Variants in SHROOM3 observed in about 807,000 individuals in gnomAD.
SHROOM3 encodes the protein shroom family member 3.
SHROOM3 carries 47 observed loss-of-function variants against 138.6 expected under a neutral mutation model. That is an observed-to-expected ratio of 0.34 (90% CI 0.27 to 0.43). SHROOM3 has a LOEUF of 0.43. SHROOM3 is among the 20% of genes least tolerant of loss of function. The pLI is 1.00. For missense variants in SHROOM3, 2,491 were observed against 2,596.5 expected (o/e 0.96, Z 0.88); for synonymous variants, 1,062 against 1,063.3 (o/e 1.00, Z 0.02).
intron 2 of SHROOM3, among the ~76,000 whole-genome samples, chr4:76,648,350 C>A (rs2076398017): frequency 6.6e-6 from 1 of 151,998 alleles, no homozygotes; most frequent in African/African-American, 2.4e-5. Flanking sequence ...GAAAGAAAAA[C>A]AAAAAACCAA....
chr4:76,741,001 G>T lies in SHROOM3; in HGVS notation c.2828G>T (p.Arg943Leu). 3 of 1,488,208 alleles carry T rather than the reference G, an allele frequency of 2.0e-6. No individual in the cohort carries two copies. The highest frequency in any genetic ancestry group is 1.8e-6 in the Non-Finnish European group (2 of 1,122,996). 92.2% of individuals were successfully genotyped at this position (1,488,208 alleles called of 1,614,324 possible). Residue 943 changes from arginine to leucine, a missense_variant, in exon 5 of 11, where the codon CGT (arginine) becomes CTT (leucine). By Grantham distance (102) the Arg-to-Leu change is moderately radical. Coordinates refer to ENST00000296043, the MANE Select transcript of SHROOM3 (RefSeq NM_020859.4). The surrounding 1 kb of genome is among the most constrained non-coding windows in gnomAD (Gnocchi z 6.2). ...GTCTTGGGGGCCACCTCCTTTCGAC[G>T]TCGAGACCTGGAGCTGGGGGCGCCC... Reference protein sequence around the residue: ...SRVLGATSFRRRDLELGAPVA... With the variant: ...SRVLGATSFRLRDLELGAPVA...
chr4:76,653,241 T>A (rs946729746), intron 2 of SHROOM3, among the ~76,000 whole-genome samples: 10 of 152,138 alleles, frequency 6.6e-5, no homozygotes, highest in Non-Finnish European at 1.5e-4. Flanking sequence ...GTGCCAGACC[T>A]TGTTCTAGAT....
At chr4:76,553,256 G>T (rs1302835021) in intron 1 of SHROOM3, among the ~76,000 whole-genome samples, 1 of 152,002 alleles carries the variant, frequency 6.6e-6, no homozygotes, top group Non-Finnish European at 1.5e-5. Context: ...CCACCTCCTG[G>T]TTTCTTTTCT....
intron 1 of SHROOM3, among the ~76,000 whole-genome samples, chr4:76,469,813 G>T (rs1455776641): frequency 2.0e-5 from 3 of 152,138 alleles, no homozygotes; most frequent in African/African-American, 4.8e-5. Flanking sequence ...CAGGAAAAAA[G>T]TCTGGTAAGT....
At chr4:76,724,894 T>C (rs1028196572) in intron 3 of SHROOM3, among the ~76,000 whole-genome samples, 3 of 152,222 alleles carry the variant, frequency 2.0e-5, no homozygotes, top group Admixed American at 6.5e-5. Flanking sequence ...TTGCTAGATG[T>C]TGTCAAACTG....
At chr4:76,495,799 C>A (rs1242525762) in intron 1 of SHROOM3, among the ~76,000 whole-genome samples, 2 of 152,160 alleles carry the variant, frequency 1.3e-5, no homozygotes, top group African/African-American at 2.4e-5. Context: ...TGAGAGACTA[C>A]CATATGTGTA....
At chr4:76,709,858 T>C in intron 2 of SHROOM3, 1 of 352,914 alleles carries the variant, frequency 2.8e-6, no homozygotes, top group Non-Finnish European at 5.4e-6. Flanking sequence ...TTATAACAGT[T>C]AATATAACTT....
At chr4:76,572,941 G>A (rs925167967) in intron 2 of SHROOM3, among the ~76,000 whole-genome samples, 3 of 151,976 alleles carry the variant, frequency 2.0e-5, no homozygotes, top group African/African-American at 7.2e-5. Context: ...GATTAGCCAG[G>A]TGTGGTAGCA....
At chr4:76,626,533 T>C (rs1047103844) in intron 2 of SHROOM3, among the ~76,000 whole-genome samples, 5 of 152,256 alleles carry the variant, frequency 3.3e-5, no homozygotes, top group African/African-American at 1.2e-4. Flanking sequence ...ATTGCAGTTA[T>C]GAAATTGCTG....
At chr4:76,535,182 C>A (rs1332815833) in intron 1 of SHROOM3, among the ~76,000 whole-genome samples, 3 of 152,102 alleles carry the variant, frequency 2.0e-5, no homozygotes, top group Admixed American at 2.0e-4. Flanking sequence ...AGAGTAGACT[C>A]CATTAACTAC....
At position 76,652,551 on chromosome 4, in the gene SHROOM3, G is replaced by C. The variant is rs560265954; in HGVS notation, c.324-57605G>C. ...GATGGGACTATGAAGTCCCTGAGAAGTAGCTCAGCCTGTGTCCCATATCAC... is the reference window on the plus strand; with the variant it reads ...GATGGGACTATGAAGTCCCTGAGAACTAGCTCAGCCTGTGTCCCATATCAC... On this transcript the variant is annotated intron_variant, in intron 2 of 10. Transcript: ENST00000296043. 1.6e-4 allele frequency among the ~76,000 whole-genome samples: 24 copies of C among 152,316 alleles called. 1 individual carries two copies. In the East Asian group the frequency reaches 2.7e-3, roughly 17 times the overall value.
chr4:76,608,648 T>C (rs28670188), intron 2 of SHROOM3, among the ~76,000 whole-genome samples: 1 of 20,106 alleles, frequency 5.0e-5, no homozygotes, highest in East Asian at 5.7e-3. Flanking sequence ...TAGCATAGCA[T>C]AGCATAGCAT....
At chr4:76,498,481 G>A (rs966436461) in intron 1 of SHROOM3, among the ~76,000 whole-genome samples, 2 of 152,124 alleles carry the variant, frequency 1.3e-5, no homozygotes, top group Non-Finnish European at 2.9e-5. Context: ...TTGAGGCAGT[G>A]TATAAGGAGG....
chr4:76,727,880 T>G (rs901337690), intron 3 of SHROOM3, among the ~76,000 whole-genome samples: 2 of 34,892 alleles, frequency 5.7e-5, no homozygotes, highest in African/African-American at 1.6e-4. Context: ...AGAGCAAGAC[T>G]CCATCTCAAA....
chr4:76,579,273 C>T (rs770664623), intron 2 of SHROOM3, among the ~76,000 whole-genome samples: 2 of 151,872 alleles, frequency 1.3e-5, no homozygotes, highest in Non-Finnish European at 2.9e-5. Flanking sequence ...TCGAGACCAT[C>T]CTGGCTAACA....
intron 2 of SHROOM3, among the ~76,000 whole-genome samples, chr4:76,556,813 C>G (rs1733492384): frequency 6.6e-6 from 1 of 152,216 alleles, no homozygotes; most frequent in East Asian, 1.9e-4. Flanking sequence ...CAAATGTTTC[C>G]TAAGTGAGCC....
intron 9 of SHROOM3, among the ~76,000 whole-genome samples, chr4:76,766,294 T>C (rs1006069300): frequency 2.0e-5 from 3 of 152,272 alleles, no homozygotes; most frequent in African/African-American, 7.2e-5. Flanking sequence ...TTCTTCTCGC[T>C]GTGGATAACT....
At chr4:76,447,532 G>A (rs1730839065) in intron 1 of SHROOM3, among the ~76,000 whole-genome samples, 1 of 152,158 alleles carries the variant, frequency 6.6e-6, no homozygotes, top group African/African-American at 2.4e-5. Flanking sequence ...TATACATGTT[G>A]GGCGTTGAGA....
chr4:76,544,405 GGC>G (rs1733167154), intron 1 of SHROOM3, among the ~76,000 whole-genome samples: 1 of 109,208 alleles, frequency 9.2e-6, no homozygotes, highest in Non-Finnish European at 2.2e-5. Flanking sequence ...ATAGCTCAAT[GGC>G]TTTTTTTTTT....
Sources: allele counts gnomAD v4.1 joint callset (sites outside exome capture counted in the v4.1 genomes callset), GRCh38; gene constraint gnomAD v4.1.1; non-coding constraint Gnocchi (gnomAD v3.1); transcripts MANE v1.5; gene names NCBI Gene and HGNC (gene_info 2026-07-23, HGNC 2026-07-21).